The following EMP2 variants were observed in gnomAD, a reference collection of about 807,000 sequenced individuals.
EMP2 encodes epithelial membrane protein 2.
A neutral mutation model predicts 13.7 loss-of-function variants in EMP2; 19 were observed. The observed-to-expected ratio is 1.38, with a 90% CI of 0.97 to 2.03. The LOEUF (loss-of-function observed/expected upper bound fraction) is 2.03. Ranked by LOEUF, EMP2 falls within the 30% of genes most tolerant of loss-of-function variation. The pLI is 0.00. For synonymous variants in EMP2, 97 were observed against 84.7 expected, an observed-to-expected ratio of 1.15 and a Z score of -0.80; for missense variants, 253 against 220.7, an observed-to-expected ratio of 1.15 and a Z score of -0.93.
At position 10,551,443 on chromosome 16, in the gene EMP2, G is replaced by A. The variant is rs187596591; in HGVS notation, c.-60-3766C>T. Among the ~76,000 whole-genome samples, 49 of 152,272 alleles carry A rather than the reference G, an allele frequency of 3.2e-4. 1 individual carries two copies. Among genetic ancestry groups the A allele is most frequent in the African/African-American group, 9.4e-4 (39 of 41,552 alleles). On this transcript the variant is annotated intron_variant, in intron 1 of 4. Coordinates refer to ENST00000359543, the MANE Select transcript of EMP2 (RefSeq NM_001424.6). Reference sequence around the variant, plus strand: ...TGTTTTTGAGACAGAGTCTTGCTCCGTTGCCCAGGCTGGAGTGCAGTGGCA... The same window carrying A: ...TGTTTTTGAGACAGAGTCTTGCTCCATTGCCCAGGCTGGAGTGCAGTGGCA...
chr16:10,533,236 C>A, intron 4 of EMP2, 144 bp from the exon 5 acceptor site: 1 of 802,764 alleles, frequency 1.2e-6, no homozygotes, highest in Non-Finnish European at 1.7e-6. Flanking sequence ...CAAGATTTTG[C>A]CATGTCACCC....
chr16:10,553,975 T>C (rs1382932024), intron 1 of EMP2, among the ~76,000 whole-genome samples: 1 of 152,230 alleles, frequency 6.6e-6, no homozygotes, highest in Admixed American at 6.5e-5. Context: ...GTTCATACTG[T>C]GTCAGCCCTG....
At chr16:10,550,508 C>T (rs936791453) in intron 1 of EMP2, among the ~76,000 whole-genome samples, 6 of 152,148 alleles carry the variant, frequency 3.9e-5, no homozygotes, top group Non-Finnish European at 7.4e-5. Context: ...CCTGATGATT[C>T]GATCCAGATT....
chr16:10,541,118 A>T (rs942637603), intron 3 of EMP2, among the ~76,000 whole-genome samples: 1 of 151,882 alleles, frequency 6.6e-6, no homozygotes, highest in African/African-American at 2.4e-5. Context: ...AAATAGATTT[A>T]TGGGTGAGTG....
At chr16:10,567,490 A>C (rs2050914819) in intron 1 of EMP2, among the ~76,000 whole-genome samples, 1 of 152,178 alleles carries the variant, frequency 6.6e-6, no homozygotes, top group Admixed American at 6.5e-5. Flanking sequence ...TGCTTGGGGC[A>C]GGGGGAGCAG....
chr16:10,537,404 C>T (rs1358907888), intron 4 of EMP2, among the ~76,000 whole-genome samples: 1 of 152,190 alleles, frequency 6.6e-6, no homozygotes, highest in Non-Finnish European at 1.5e-5. Flanking sequence ...CACCCACCAG[C>T]TTGAAACCTG....
chr16:10,534,740 TG>T (rs1192413826), intron 4 of EMP2, among the ~76,000 whole-genome samples: 1 of 152,222 alleles, frequency 6.6e-6, no homozygotes, highest in East Asian at 1.9e-4. Context: ...CACTCCAGCT[TG>T]GGCGACAGAG....
At chr16:10,571,059 C>A (rs2050943470) in intron 1 of EMP2, among the ~76,000 whole-genome samples, 1 of 151,264 alleles carries the variant, frequency 6.6e-6, no homozygotes, top group Non-Finnish European at 1.5e-5. Context: ...GAGATAGAAA[C>A]CAGCCTGGCC....
intron 1 of EMP2, among the ~76,000 whole-genome samples, chr16:10,551,341 AAAGATCCTCTCTC>A (rs2050787014): frequency 6.6e-6 from 1 of 152,214 alleles, no homozygotes; most frequent in Non-Finnish European, 1.5e-5. Flanking sequence ...GAGATAATGT[AAAGATCCTCTCTC>A]AAGAAACTTT....
chr16:10,566,936 C>T (rs933324419), intron 1 of EMP2, among the ~76,000 whole-genome samples: 1 of 152,168 alleles, frequency 6.6e-6, no homozygotes, highest in East Asian at 1.9e-4. Flanking sequence ...CCTCCCACCC[C>T]TCAGAGTAGT....
At chr16:10,567,869 G>C (rs571949925) in intron 1 of EMP2, among the ~76,000 whole-genome samples, 3 of 152,336 alleles carry the variant, frequency 2.0e-5, no homozygotes, top group South Asian at 4.1e-4. Context: ...GTCTCCACCA[G>C]AATATTGTCT....
chr16:10,559,135 C>A (rs544986751), intron 1 of EMP2: 3 of 152,534 alleles, frequency 2.0e-5, no homozygotes, highest in African/African-American at 7.2e-5. Flanking sequence ...CCCAGGCCAC[C>A]CTGCAAGGAC....
rs764133828 is a variant in EMP2, at chr16:10,532,972, G to A, written c.437C>T (p.Ala146Val). ...GAAGGTGCAGGCGAAGGCCACCCAC[G>A]CCAGGATGTAGGAGTAGCCGTAGCT... The part of the protein sequence containing the change: ...EGSYGYSYIL[A>V]WVAFACTFIS... Residue 146 changes from alanine (A) to valine (V), a missense_variant, in exon 5 of 5, where the codon GCG becomes GTG. Transcript: ENST00000359543. 14 of 1,610,624 alleles carry A rather than the reference G, an allele frequency of 8.7e-6. No individual in the cohort carries two copies. The highest frequency in any genetic ancestry group is 1.7e-4 in the Middle Eastern group (1 of 6,012).
intron 1 of EMP2, among the ~76,000 whole-genome samples, chr16:10,572,077 A>T (rs2142210897): frequency 6.6e-6 from 1 of 152,346 alleles, no homozygotes; most frequent in East Asian, 1.9e-4. Flanking sequence ...ATATATTCAA[A>T]AAAGTCAATG....
At chr16:10,561,533 G>A (rs1160030309) in intron 1 of EMP2, among the ~76,000 whole-genome samples, 2 of 152,180 alleles carry the variant, frequency 1.3e-5, no homozygotes, top group African/African-American at 2.4e-5. Context: ...GGACCCAGAA[G>A]CCAGGAGAGA....
intron 1 of EMP2, among the ~76,000 whole-genome samples, chr16:10,562,539 G>A (rs905031299): frequency 2.6e-5 from 4 of 152,104 alleles, no homozygotes; most frequent in South Asian, 2.1e-4. Context: ...CCCACTAGCT[G>A]ACCACAGACA....
At chr16:10,552,989 C>G (rs1010066115) in intron 1 of EMP2, among the ~76,000 whole-genome samples, 3 of 152,174 alleles carry the variant, frequency 2.0e-5, no homozygotes, top group African/African-American at 7.2e-5. Context: ...CGAAAAACAA[C>G]AGAGAAGTAA....
chr16:10,550,759 G>A (rs1207930068), intron 1 of EMP2, among the ~76,000 whole-genome samples: 1 of 152,146 alleles, frequency 6.6e-6, no homozygotes, highest in African/African-American at 2.4e-5. Flanking sequence ...TGGATCACCT[G>A]AGGTCTGGAG....
At chr16:10,558,384 T>A (rs993015667) in intron 1 of EMP2, among the ~76,000 whole-genome samples, 2 of 152,100 alleles carry the variant, frequency 1.3e-5, no homozygotes, top group African/African-American at 4.8e-5. Flanking sequence ...GAAATGTCCA[T>A]CCTGACCCCA....
Sources: gnomAD v4.1 joint callset for allele counts (sites outside exome capture counted in the v4.1 genomes callset) on GRCh38, gnomAD v4.1.1 for gene constraint, MANE v1.5 for transcripts, NCBI Gene and HGNC (gene_info 2026-07-23, HGNC 2026-07-21) for gene names.